The following MYO5B variants were observed in gnomAD, a reference collection of about 807,000 sequenced individuals.
The protein encoded by MYO5B is unconventional myosin-Vb.
Under a neutral mutation model 229.3 loss-of-function variants are expected in MYO5B, and 143 were observed. That is an observed-to-expected ratio of 0.62 (90% CI 0.54 to 0.72). The LOEUF (loss-of-function observed/expected upper bound fraction) is 0.72, where lower values mean the gene tolerates loss of function less well. Ranked by LOEUF, MYO5B falls within the 30% of genes least tolerant of loss-of-function variation. MYO5B has a pLI of 0.00. For synonymous variants in MYO5B, 918 were observed against 885.2 expected (o/e 1.04, Z -0.66); for missense variants, 2,321 against 2,331.0 (o/e 1.00, Z 0.09).
chr18:50,145,033 G>A (rs1282146049), intron 1 of MYO5B, among the ~76,000 whole-genome samples: 2 of 152,174 alleles, frequency 1.3e-5, no homozygotes, highest in African/African-American at 2.4e-5. Context: ...ACTTCTGGGA[G>A]AGGCAACAAC....
At chr18:50,121,385 CCTT>C (rs771423297) in intron 1 of MYO5B, among the ~76,000 whole-genome samples, 10 of 152,188 alleles carry the variant, frequency 6.6e-5, no homozygotes, top group Non-Finnish European at 1.2e-4. Context: ...GTATCAATGA[CCTT>C]CTTAAGTAAA....
chr18:49,881,513 T>C (rs1331706816), intron 22 of MYO5B, among the ~76,000 whole-genome samples: 1 of 152,162 alleles, frequency 6.6e-6, no homozygotes, highest in Admixed American at 6.5e-5. Flanking sequence ...GAATTAAAAG[T>C]GTGAAGAGGC....
At chr18:50,055,964 C>G (rs1026065344) in intron 1 of MYO5B, among the ~76,000 whole-genome samples, 2 of 152,186 alleles carry the variant, frequency 1.3e-5, no homozygotes, top group African/African-American at 4.8e-5. Context: ...GTTACCCAGG[C>G]TAGCATGCAG....
At chr18:49,947,583 T>G (rs1598904077) in intron 14 of MYO5B, among the ~76,000 whole-genome samples, 1 of 152,214 alleles carries the variant, frequency 6.6e-6, no homozygotes, top group East Asian at 1.9e-4. Context: ...CAAACTCCAA[T>G]TATGTGTTTA....
At chr18:50,180,572 A>G (rs1389195083) in intron 1 of MYO5B, among the ~76,000 whole-genome samples, 2 of 152,198 alleles carry the variant, frequency 1.3e-5, no homozygotes, top group Non-Finnish European at 2.9e-5. Context: ...TAGCATTGTC[A>G]TCTTTTTAAA....
chr18:49,901,708 G>A (rs201203317), intron 21 of MYO5B, among the ~76,000 whole-genome samples: 1 of 152,214 alleles, frequency 6.6e-6, no homozygotes. Context: ...TTCCAAAAGA[G>A]GCAGACAGAC....
At position 49,843,296 on chromosome 18, in the gene MYO5B, A is replaced by T. The variant is rs752917500; in HGVS notation, c.4556T>A (p.Leu1519His). Residue 1519 changes from leucine to histidine, a missense_variant, in exon 34 of 40, where the codon CTC becomes CAC. Coordinates refer to ENST00000285039, the MANE Select transcript of MYO5B (RefSeq NM_001080467.3). ...IRHADYTNDD[L>H]KVHSLLTSTI... ...GGAGGTCAGCAGGGAGTGCACCTTG[A>T]GATCGTCGTTGGTGTAGTCCGCGTG... 14 of 1,614,194 alleles carry T rather than the reference A, an allele frequency of 8.7e-6. 1 individual carries two copies. The South Asian group carries it at 1.4e-4, about 16-fold the overall frequency.
At chr18:50,138,984 GACCCTGTTCTCA>G (rs57104361) in intron 1 of MYO5B, among the ~76,000 whole-genome samples, 11,318 of 152,212 alleles carry the variant, frequency 0.074, 485 homozygotes, top group East Asian at 0.19. Context: ...ATTTTCCCAG[GACCCTGTTCTCA>G]ACTAATAAAC....
chr18:50,041,020 T>C (rs1009133719), intron 2 of MYO5B, among the ~76,000 whole-genome samples: 1 of 152,190 alleles, frequency 6.6e-6, no homozygotes, highest in African/African-American at 2.4e-5. Flanking sequence ...CACATGTACA[T>C]CTAACACAGG....
chr18:50,057,749 A>T (rs140493135), intron 1 of MYO5B, among the ~76,000 whole-genome samples: 1 of 152,210 alleles, frequency 6.6e-6, no homozygotes, highest in African/African-American at 2.4e-5. Context: ...TAAGGGGCAC[A>T]GTGGGACCCC....
At chr18:50,191,432 T>G (rs909525673) in intron 1 of MYO5B, among the ~76,000 whole-genome samples, 4 of 152,180 alleles carry the variant, frequency 2.6e-5, no homozygotes, top group African/African-American at 9.7e-5. Context: ...ATCCAAGACC[T>G]TTCTCTGGTG....
chr18:50,050,797 A>G (rs572903056), intron 2 of MYO5B, among the ~76,000 whole-genome samples: 4 of 152,358 alleles, frequency 2.6e-5, no homozygotes, highest in Non-Finnish European at 5.9e-5. Flanking sequence ...GGGAAGAATC[A>G]GACAGCAAAG....
At chr18:49,906,114 T>C (rs2024895809) in intron 19 of MYO5B, among the ~76,000 whole-genome samples, 1 of 152,174 alleles carries the variant, frequency 6.6e-6, no homozygotes, top group African/African-American at 2.4e-5. Flanking sequence ...AGTTAGTTTT[T>C]TACTTTGGGG....
Position 49,837,556 on chromosome 18 carries a change from C to T in MYO5B, c.5099G>A (p.Arg1700Gln), listed in dbSNP as rs771703731. Residue 1700 changes from arginine (R) to glutamine (Q), a missense_variant, in exon 37 of 40, where the codon CGG becomes CAG. Transcript: ENST00000285039. ...NAVTLNNLLL[R>Q]KDVCSWSTGM... ...TGTGCTCCAAGAGCAGACGTCCTTCCGCAAGAGCAGGTTGTTAAGAGTCAC... is the reference window on the plus strand; with the variant it reads ...TGTGCTCCAAGAGCAGACGTCCTTCTGCAAGAGCAGGTTGTTAAGAGTCAC... The T allele has an allele frequency of 1.2e-6, 2 of 1,613,914 alleles. No homozygotes were observed. The highest frequency in any genetic ancestry group is 1.7e-6 in the Non-Finnish European group (2 of 1,179,854).
intron 17 of MYO5B, among the ~76,000 whole-genome samples, chr18:49,925,101 C>G (rs983093100): frequency 1.3e-5 from 2 of 152,190 alleles, no homozygotes; most frequent in Admixed American, 6.5e-5. Flanking sequence ...TCATTATACC[C>G]TCCTCCCTTT....
intron 4 of MYO5B, among the ~76,000 whole-genome samples, chr18:50,019,320 G>C (rs2026250669): frequency 6.6e-6 from 1 of 152,162 alleles, no homozygotes; most frequent in Non-Finnish European, 1.5e-5. Flanking sequence ...GGCACAACCT[G>C]CTCAGTGGGT....
chr18:49,873,955 C>A (rs918581726), intron 26 of MYO5B, among the ~76,000 whole-genome samples: 2 of 152,198 alleles, frequency 1.3e-5, no homozygotes, highest in East Asian at 1.9e-4. Flanking sequence ...CCTCTCTCTG[C>A]AGTTGAGACC....
chr18:50,124,476 G>A (rs11082803), intron 1 of MYO5B, among the ~76,000 whole-genome samples: 30,292 of 152,048 alleles, frequency 0.2, 3,545 homozygotes, highest in Non-Finnish European at 0.27. Context: ...CTATTAAATG[G>A]ATTAGGGAAA....
chr18:50,083,046 T>G (rs1219995561), intron 1 of MYO5B, among the ~76,000 whole-genome samples: 1 of 152,216 alleles, frequency 6.6e-6, no homozygotes, highest in Non-Finnish European at 1.5e-5. Flanking sequence ...CCCATGACCC[T>G]TTTCTTCAGG....
Sources: gnomAD v4.1 joint callset for allele counts (sites outside exome capture counted in the v4.1 genomes callset) on GRCh38, gnomAD v4.1.1 for gene constraint, MANE v1.5 for transcripts, NCBI Gene and HGNC (gene_info 2026-07-23, HGNC 2026-07-21) for gene names.